Variants in ELAVL2 observed in about 807,000 individuals in gnomAD.
The protein encoded by ELAVL2 is ELAV like RNA binding protein 2.
A neutral mutation model predicts 34.6 loss-of-function variants in ELAVL2; 4 were observed. That is an observed-to-expected ratio of 0.12 (90% CI 0.06 to 0.26). ELAVL2 has a LOEUF of 0.26. Among genes scored for constraint, ELAVL2 ranks in the 10% least tolerant of loss-of-function variants. The pLI, the probability that ELAVL2 is intolerant of heterozygous loss-of-function variation, is 1.00. For synonymous variants in ELAVL2, 193 were observed against 154.8 expected (o/e 1.25, Z -1.83); for missense variants, 432 against 442.8 (o/e 0.98, Z 0.22).
intron 4 of ELAVL2, among the ~76,000 whole-genome samples, chr9:23,702,778 T>C (rs1436033256): frequency 6.6e-6 from 1 of 151,160 alleles, no homozygotes; most frequent in African/African-American, 2.4e-5. Context: ...AATAAGAAAA[T>C]TGCAGGGTTT....
At chr9:23,826,562 G>A (rs2065312563), upstream of ELAVL2, among the ~76,000 whole-genome samples, 1 of 152,224 alleles carries the variant, frequency 6.6e-6, no homozygotes, top group African/African-American at 2.4e-5. Context: ...GCGGCGAAGG[G>A]AAATGCAAGA....
upstream of ELAVL2, among the ~76,000 whole-genome samples, chr9:23,827,784 A>G (rs2065370771): frequency 6.6e-6 from 1 of 152,154 alleles, no homozygotes; most frequent in African/African-American, 2.4e-5. Context: ...GTTCTTTGAG[A>G]GTGTCCTTGA....
chr9:23,742,190 C>T (rs2049368270), intron 2 of ELAVL2, among the ~76,000 whole-genome samples: 1 of 152,084 alleles, frequency 6.6e-6, no homozygotes, highest in South Asian at 2.1e-4. Context: ...AAAGCTAAAC[C>T]CAAGATGACT....
At chr9:23,820,718 C>T (rs997245308) in intron 1 of ELAVL2, among the ~76,000 whole-genome samples, 2 of 152,216 alleles carry the variant, frequency 1.3e-5, no homozygotes, top group Non-Finnish European at 2.9e-5. Context: ...CCAGTCTCAC[C>T]AGTGCACGCA....
chr9:23,771,942 T>C (rs974269447), intron 1 of ELAVL2, among the ~76,000 whole-genome samples: 1 of 152,210 alleles, frequency 6.6e-6, no homozygotes, highest in Non-Finnish European at 1.5e-5. Flanking sequence ...AACCCCATTC[T>C]TTCATTCCAA....
In ELAVL2 at chr9:23,701,460, T is replaced by C. The variant is rs923702807; in HGVS notation, c.632A>G (p.Asn211Ser). 6.8e-6 allele frequency: 11 copies of C among 1,613,986 alleles called. No homozygotes were observed. Among genetic ancestry groups the C allele is most frequent in the African/African-American group, 4.0e-5 (3 of 74,920 alleles). ...GTACAGCTGGGAAAGGATGGCCTGA[T>C]TGGTTTTTTGGCTTGGGTTATTAGC... ...KFANNPSQKT[N>S]QAILSQLYQS... The change falls in exon 5 of 7, where the codon AAT becomes AGT. Residue 211 changes from asparagine (N) to serine (S), a missense_variant. Asn to Ser is a conservative substitution (Grantham distance 46). Around this residue, in one of 3 missense-constraint regions of ELAVL2, gnomAD observed 295 missense variants for 306.1 expected, o/e 0.96. Transcript: ENST00000397312.
chr9:23,747,968 C>G (rs1185185494), intron 2 of ELAVL2, among the ~76,000 whole-genome samples: 1 of 151,982 alleles, frequency 6.6e-6, no homozygotes. Context: ...TGAAATAATG[C>G]AAAGGCAGAA....
chr9:23,791,878 T>C (rs561138987), intron 1 of ELAVL2, among the ~76,000 whole-genome samples: 1 of 152,330 alleles, frequency 6.6e-6, no homozygotes, highest in African/African-American at 2.4e-5. Context: ...TATGGCAGCC[T>C]AAGCAAACTA....
the ELAVL2 span, chr9:23,831,531 T>C: frequency 6.6e-6 from 1 of 152,254 alleles, no homozygotes; most frequent in Admixed American, 6.5e-5. Flanking sequence ...GAGAAACAGC[T>C]GTCTTATCAG....
In ELAVL2 at chr9:23,773,156, G is replaced by A. The variant is rs558262599; in HGVS notation, c.-15-10907C>T. 2.6e-5 allele frequency among the ~76,000 whole-genome samples: 4 copies of A among 152,324 alleles called. No homozygotes were observed. In the South Asian group the frequency reaches 8.3e-4, roughly 32 times the overall value. On this transcript the variant is annotated intron_variant, in intron 1 of 6. Transcript: ENST00000397312. ...GTGAGGAAAGGGTTGCTAAGGGCGA[G>A]AAGTATCTCAAGGAAATGTCTTGTT...
upstream of ELAVL2, among the ~76,000 whole-genome samples, chr9:23,826,547 C>T (rs1008627211): frequency 3.3e-5 from 5 of 152,216 alleles, no homozygotes; most frequent in Non-Finnish European, 7.3e-5. Flanking sequence ...ACACTCTTAA[C>T]ACTGGCGGCG....
rs560112642 is a variant in ELAVL2 at position 23,735,603 on chromosome 9, G to A, written c.230-4478C>T. 4 of 152,286 alleles carry A rather than the reference G, an allele frequency of 2.6e-5. No homozygotes were observed. The South Asian group carries it at 8.3e-4, about 32-fold the overall frequency. The allele number at this position is 152,286 out of a possible 1,614,324, so 9.4% of individuals were successfully genotyped here. Reference sequence around the variant, plus strand: ...CCAAAGTCTTGATTTTAATGGCCTTGGTAGGGATTCTAGAACTTTTGCTAT... The same window carrying A: ...CCAAAGTCTTGATTTTAATGGCCTTAGTAGGGATTCTAGAACTTTTGCTAT... On this transcript the variant is annotated intron_variant, in intron 2 of 6. Coordinates refer to ENST00000397312, the MANE Select transcript of ELAVL2 (RefSeq NM_004432.5).
intron 4 of ELAVL2, among the ~76,000 whole-genome samples, chr9:23,703,104 G>A (rs2038040831): frequency 1.3e-5 from 2 of 151,856 alleles, no homozygotes; most frequent in African/African-American, 2.4e-5. Flanking sequence ...CCAATAATTT[G>A]CATTTTTAGC....
chr9:23,693,707 G>A (rs2132700961), intron 5 of ELAVL2, among the ~76,000 whole-genome samples: 1 of 152,310 alleles, frequency 6.6e-6, no homozygotes, highest in Middle Eastern at 3.4e-3. Context: ...GTCAGTACAT[G>A]GGACACAGTG....
chr9:23,805,338 T>C (rs905011084), intron 1 of ELAVL2, among the ~76,000 whole-genome samples: 1 of 151,676 alleles, frequency 6.6e-6, no homozygotes, highest in Non-Finnish European at 1.5e-5. Flanking sequence ...TTTGAGAGAG[T>C]GGATACTAAC....
chr9:23,806,744 A>G (rs1262536440), intron 1 of ELAVL2, among the ~76,000 whole-genome samples: 1 of 152,200 alleles, frequency 6.6e-6, no homozygotes, highest in Non-Finnish European at 1.5e-5. Flanking sequence ...TGCCCTGAAA[A>G]TTTAAACCAA....
the ELAVL2 span, among the ~76,000 whole-genome samples, chr9:23,834,294 T>C: frequency 3.3e-5 from 5 of 152,010 alleles, no homozygotes; most frequent in Non-Finnish European, 7.4e-5. Context: ...AAATTACTCC[T>C]TTATATAGGA....
intron 4 of ELAVL2, among the ~76,000 whole-genome samples, chr9:23,703,441 G>A (rs985135484): frequency 7.9e-5 from 12 of 152,106 alleles, no homozygotes; most frequent in African/African-American, 2.4e-4. Context: ...AATTAAGGAG[G>A]CTGTATTTTA....
At chr9:23,779,979 TAAAAAAAAAAAAAAAAAAAAAAAAA>T (rs61251366) in intron 1 of ELAVL2, among the ~76,000 whole-genome samples, 1,234 of 48,140 alleles carry the variant, frequency 0.026, 53 homozygotes, top group African/African-American at 0.066. Flanking sequence ...TAGTGTTCCT[TAAAAAAAAAAAAAAAAAAAAAAAAA>T]AAAAAAAAAA....
Sources: gnomAD v4.1 joint callset for allele counts (sites outside exome capture counted in the v4.1 genomes callset) on GRCh38, gnomAD v4.1.1 for gene constraint, gnomAD v4.1.1 regional missense constraint, MANE v1.5 for transcripts, NCBI Gene and HGNC (gene_info 2026-07-23, HGNC 2026-07-21) for gene names.